Variants in PTPN22 observed in about 807,000 individuals in gnomAD.
PTPN22 encodes protein tyrosine phosphatase non-receptor type 22.
A neutral mutation model predicts 103.3 loss-of-function variants in PTPN22; 85 were observed. That is an observed-to-expected ratio of 0.82 (90% confidence interval 0.69 to 0.99). The LOEUF is 0.99. Among genes scored for constraint, PTPN22 ranks in the 50% least tolerant of loss-of-function variants. The pLI, the probability that PTPN22 is intolerant of heterozygous loss-of-function variation, is 0.00. For synonymous variants in PTPN22, 323 were observed against 310.2 expected (o/e 1.04, Z -0.43); for missense variants, 865 against 936.9 (o/e 0.92, Z 1.00).
chr1:113,839,001 C>A (rs766234118), intron 11 of PTPN22, among the ~76,000 whole-genome samples: 87 of 152,304 alleles, frequency 5.7e-4, no homozygotes, highest in Non-Finnish European at 1.0e-3. Context: ...TTGTTCTACT[C>A]TTTTCCTCCT....
Position 113,818,956 on chromosome 1 carries a change from C to T in PTPN22, c.2359+621G>A, listed in dbSNP as rs951398030. ...CAGGGACTCCTGGAGGCCTCACACTCTTTCAAGGGGATTGGTTAATAATAA... is the reference window on the plus strand; with the variant it reads ...CAGGGACTCCTGGAGGCCTCACACTTTTTCAAGGGGATTGGTTAATAATAA... On this transcript the variant is annotated intron_variant, in intron 20 of 20. Transcript: ENST00000359785. Among the ~76,000 whole-genome samples, 46 of 152,316 alleles carry T rather than the reference C, an allele frequency of 3.0e-4. 1 individual carries two copies. Among genetic ancestry groups the T allele is most frequent in the Middle Eastern group, 3.4e-3 (1 of 294 alleles).
At chr1:113,817,787 C>G (rs1050345068) in intron 20 of PTPN22, among the ~76,000 whole-genome samples, 5 of 151,760 alleles carry the variant, frequency 3.3e-5, no homozygotes, top group Admixed American at 6.6e-5. Context: ...TGAGAGGAAG[C>G]AACATGGAGG....
chr1:113,823,606 G>A (rs1661801564), intron 19 of PTPN22: 1 of 152,208 alleles, frequency 6.6e-6, no homozygotes, highest in Admixed American at 6.5e-5. Context: ...TCAAAGCTGT[G>A]CCAACCTAAA....
intron 11 of PTPN22, among the ~76,000 whole-genome samples, chr1:113,841,762 C>A (rs1663571916): frequency 6.6e-6 from 1 of 151,994 alleles, no homozygotes; most frequent in African/African-American, 2.4e-5. Context: ...GCCACCACAC[C>A]CGGCTAATTT....
intron 9 of PTPN22, among the ~76,000 whole-genome samples, chr1:113,852,875 T>C (rs533183156): frequency 3.0e-4 from 46 of 152,378 alleles, no homozygotes; most frequent in African/African-American, 1.1e-3. Context: ...ATCATATGTC[T>C]ACTAAAACAG....
chr1:113,818,173 C>A (rs944547419), intron 20 of PTPN22, among the ~76,000 whole-genome samples: 3 of 148,914 alleles, frequency 2.0e-5, no homozygotes, highest in South Asian at 2.1e-4. Context: ...TAAATTATAA[C>A]TTTTTTTTTT....
intron 14 of PTPN22, 142 bp downstream of exon 14, chr1:113,834,768 G>A (rs145892512): frequency 2.0e-4 from 150 of 757,432 alleles, no homozygotes; most frequent in African/African-American, 1.8e-3. Flanking sequence ...ACTATGTTGC[G>A]CAGGCTAGTC....
chr1:113,870,176 TTATTGA>T (rs1666461133), intron 1 of PTPN22, among the ~76,000 whole-genome samples: 1 of 152,220 alleles, frequency 6.6e-6, no homozygotes, highest in Non-Finnish European at 1.5e-5. Flanking sequence ...TTAATGATTG[TTATTGA>T]TATTTAATCA....
chr1:113,824,106 C>CT (rs57935879), intron 19 of PTPN22, among the ~76,000 whole-genome samples: 82,045 of 146,716 alleles, frequency 0.56, 23,444 homozygotes, highest in South Asian at 0.65. Context: ...CACCATGGTT[C>CT]TTTTTTTTTT....
At chr1:113,853,923 T>C (rs1664822437) in intron 9 of PTPN22, among the ~76,000 whole-genome samples, 1 of 139,058 alleles carries the variant, frequency 7.2e-6, no homozygotes, top group Non-Finnish European at 1.5e-5. Flanking sequence ...TGGAGTGCAG[T>C]GGCGCGATCT....
chr1:113,816,391 A>C (rs976519998), intron 20 of PTPN22, among the ~76,000 whole-genome samples: 1 of 150,440 alleles, frequency 6.6e-6, no homozygotes, highest in Non-Finnish European at 1.5e-5. Flanking sequence ...TGGGCAAATC[A>C]TTTGAGCCCA....
exon 21 of PTPN22, chr1:113,814,787 T>C (rs551280442): frequency 1.2e-6 from 1 of 827,054 alleles, no homozygotes; most frequent in East Asian, 2.5e-5. Flanking sequence ...ATTAACACAT[T>C]AGCATATCTT....
At chr1:113,828,033 A>G (rs1662237844) in intron 18 of PTPN22, among the ~76,000 whole-genome samples, 1 of 152,224 alleles carries the variant, frequency 6.6e-6, no homozygotes, top group Admixed American at 6.5e-5. Context: ...TATAAAGGGC[A>G]TACCATGCTC....
At chr1:113,854,492 T>G in exon 9 of PTPN22, 2 of 1,613,916 alleles carry the variant, frequency 1.2e-6, no homozygotes, top group Non-Finnish European at 1.7e-6. Flanking sequence ...GCAACATCCA[T>G]GTATAATCAA....
chr1:113,816,650 TGTAATCCCAGTACTTTG>T (rs1410754171), intron 20 of PTPN22, among the ~76,000 whole-genome samples: 1 of 151,980 alleles, frequency 6.6e-6, no homozygotes. Flanking sequence ...GGCTCACACC[TGTAATCCCAGTACTTTG>T]GGAGGCTGAG....
At chr1:113,861,323 C>T (rs951699202) in intron 1 of PTPN22, among the ~76,000 whole-genome samples, 1 of 152,148 alleles carries the variant, frequency 6.6e-6, no homozygotes, top group African/African-American at 2.4e-5. Context: ...TCACTGCAAC[C>T]TCTGCCACCC....
Position 113,818,410 on chromosome 1 carries a change from G to T in PTPN22, c.2359+1167C>A, listed in dbSNP as rs546104630. Among the ~76,000 whole-genome samples, 4 of 151,888 alleles carry T rather than the reference G, an allele frequency of 2.6e-5. No individual in the cohort carries two copies. The South Asian group carries it at 8.3e-4, about 32-fold the overall frequency. On this transcript the variant is annotated intron_variant, in intron 20 of 20. Transcript: ENST00000359785. ...GATCTCTTGACCTCATGATCCGCCC[G>T]CCTCAGCCTCCAAAAGTGCTGGGAT...
At chr1:113,857,541 A>G in intron 5 of PTPN22, 197 bp downstream of exon 5, 1 of 536,434 alleles carries the variant, frequency 1.9e-6, no homozygotes. Flanking sequence ...CATAGGGTCT[A>G]CTGAGAAAAC....
At chr1:113,858,427 C>G (rs149054403) in intron 4 of PTPN22, 51 bp downstream of exon 4, 1 of 1,342,404 alleles carries the variant, frequency 7.4e-7, no homozygotes, top group African/African-American at 1.5e-5. Context: ...TTTAAAAGCA[C>G]TGTTTTTAAT....
Sources: gnomAD v4.1 joint callset for allele counts (sites outside exome capture counted in the v4.1 genomes callset) on GRCh38, gnomAD v4.1.1 for gene constraint, MANE v1.5 for transcripts, NCBI Gene and HGNC (gene_info 2026-07-23, HGNC 2026-07-21) for gene names.